The following MPHOSPH9 variants were observed in gnomAD, a reference collection of about 807,000 sequenced individuals.
MPHOSPH9 encodes M-phase phosphoprotein 9.
A neutral mutation model predicts 145.5 loss-of-function variants in MPHOSPH9; 88 were observed. The observed-to-expected ratio is 0.60, with a 90% CI of 0.51 to 0.72. The LOEUF is 0.72. Ranked by LOEUF, MPHOSPH9 falls within the 30% of genes least tolerant of loss-of-function variation. The probability of loss-of-function intolerance (pLI) is 0.00; values close to 1 mark genes in which losing one functional copy is unlikely to be tolerated. For synonymous variants in MPHOSPH9, 435 were observed against 486.2 expected (o/e 0.89, Z 1.39); for missense variants, 1,238 against 1,386.6 (o/e 0.89, Z 1.70).
chr12:123,160,758 A>AG, intron 23 of MPHOSPH9, 23 bp downstream of exon 23: 2 of 1,609,372 alleles, frequency 1.2e-6, no homozygotes, highest in Non-Finnish European at 1.7e-6. Context: ...CCTCTAAAGC[A>AG]GATTCAAGCT....
intron 13 of MPHOSPH9, among the ~76,000 whole-genome samples, chr12:123,188,814 C>T (rs2138188892): frequency 6.6e-6 from 1 of 152,334 alleles, no homozygotes; most frequent in African/African-American, 2.4e-5. Context: ...CGCCACTGCA[C>T]TCCTGCCTGG....
chr12:123,163,055 T>A lies in MPHOSPH9; in HGVS notation c.2988A>T (p.Gly996=). The A allele has an allele frequency of 1.9e-6, 3 of 1,597,260 alleles. No individual in the cohort carries two copies. Among genetic ancestry groups the A allele is most frequent in the South Asian group, 2.3e-5 (2 of 86,624 alleles). Residue 996 remains glycine (G), a synonymous_variant, in exon 20 of 24, where the codon GGA becomes GGT. Coordinates refer to ENST00000606320, the MANE Select transcript of MPHOSPH9 (RefSeq NM_022782.4). ...CATTTTTGCTAAGCAGATGACTAAATCCTGGGGACAAGTTTTCTTTAGGGG... is the reference window on the plus strand; with the variant it reads ...CATTTTTGCTAAGCAGATGACTAAAACCTGGGGACAAGTTTTCTTTAGGGG... The part of the protein sequence containing the change: ...KRSPKENLSP[G]FSHLLSKNES...
downstream of MPHOSPH9, chr12:123,152,363 G>A (rs2043792159): frequency 3.0e-6 from 1 of 336,214 alleles, no homozygotes; most frequent in Non-Finnish European, 5.9e-6. Flanking sequence ...TGTAGTGCAA[G>A]AAAGAGAGAT....
intron 13 of MPHOSPH9, among the ~76,000 whole-genome samples, chr12:123,181,484 A>T (rs530751375): frequency 6.6e-6 from 1 of 152,054 alleles, no homozygotes; most frequent in Non-Finnish European, 1.5e-5. Flanking sequence ...AGGACAGAGG[A>T]TCACTTGAGG....
At chr12:123,240,525 C>T (rs892139518) in intron 1 of MPHOSPH9, 5 of 151,194 alleles carry the variant, frequency 3.3e-5, no homozygotes, top group African/African-American at 1.2e-4. Context: ...AGTCTCCGCA[C>T]CTGTTCCTTC....
chr12:123,191,393 T>C lies in MPHOSPH9; in HGVS notation c.2241+2993A>G, dbSNP rs553376565. Among the ~76,000 whole-genome samples the C allele has an allele frequency of 1.1e-4, 17 of 152,258 alleles. No homozygotes were observed. The South Asian group carries it at 2.7e-3, about 24-fold the overall frequency. On this transcript the variant is annotated intron_variant, in intron 13 of 23. Transcript: ENST00000606320. Reference sequence around the variant, plus strand: ...TGAACATACTCAGTACCAGTTCAAGTGATTCTCCTGCCTCAGCACCCTGAG... The same window carrying C: ...TGAACATACTCAGTACCAGTTCAAGCGATTCTCCTGCCTCAGCACCCTGAG...
intron 8 of MPHOSPH9, among the ~76,000 whole-genome samples, chr12:123,204,102 A>G (rs1358152596): frequency 6.6e-6 from 1 of 152,150 alleles, no homozygotes; most frequent in Non-Finnish European, 1.5e-5. Context: ...CGAGAGTTTG[A>G]GACCAGCCTA....
At chr12:123,165,015 CAAAAAAAA>C (rs35219995) in intron 18 of MPHOSPH9, among the ~76,000 whole-genome samples, 1 of 83,248 alleles carries the variant, frequency 1.2e-5, no homozygotes, top group African/African-American at 4.9e-5. Flanking sequence ...CTCACTGTCT[CAAAAAAAA>C]AAAAAAAAAA....
chr12:123,209,930 G>A, intron 8 of MPHOSPH9, 126 bp downstream of exon 8: 1 of 508,414 alleles, frequency 2.0e-6, no homozygotes, highest in South Asian at 3.3e-5. Flanking sequence ...TAGAGACGGG[G>A]TTTCACCGTG....
At chr12:123,198,178 CA>C in intron 12 of MPHOSPH9, 68 bp downstream of exon 12, 1 of 1,163,978 alleles carries the variant, frequency 8.6e-7, no homozygotes, top group Non-Finnish European at 1.3e-6. Flanking sequence ...AGACAAGAAA[CA>C]TAACTGATGT....
intron 7 of MPHOSPH9, among the ~76,000 whole-genome samples, chr12:123,211,174 A>G (rs1327605921): frequency 1.3e-5 from 2 of 151,900 alleles, no homozygotes; most frequent in African/African-American, 2.4e-5. Context: ...TAGTAGAGAC[A>G]GGGTTTTGCC....
chr12:123,161,316 T>C lies in MPHOSPH9; in HGVS notation c.3201A>G (p.Pro1067=). ...VNHSSCPEPV[P]NGVKKVSVRT... The stretch of plus-strand genomic sequence containing the variant: ...TCACAGATACTTTCTTCACTCCATT[T>C]GGCACCGGTTCAGGGCAAGAGCTAT... Residue 1067 remains proline (P), a synonymous_variant, in exon 22 of 24, where the codon CCA becomes CCG. Transcript: ENST00000606320. 6.2e-7 allele frequency: 1 copy of C among 1,614,174 alleles called. No individual in the cohort carries two copies. The highest frequency in any genetic ancestry group is 8.5e-7 in the Non-Finnish European group (1 of 1,180,022).
At chr12:123,237,495 T>G (rs1453513438), upstream of MPHOSPH9, among the ~76,000 whole-genome samples, 2 of 152,228 alleles carry the variant, frequency 1.3e-5, no homozygotes, top group Admixed American at 6.5e-5. Context: ...CTTTACTTCA[T>G]TAGCTATCTC....
intron 21 of MPHOSPH9, 138 bp downstream of exon 21, chr12:123,161,977 G>A: frequency 2.1e-6 from 1 of 486,212 alleles, no homozygotes; most frequent in Non-Finnish European, 3.6e-6. Context: ...GTAGCATCAT[G>A]AGTGCTTAGT....
chr12:123,229,820 CA>C (rs1002281695), intron 2 of MPHOSPH9, among the ~76,000 whole-genome samples: 1 of 94,450 alleles, frequency 1.1e-5, no homozygotes, highest in African/African-American at 2.8e-5. Flanking sequence ...TGTCCCCGAA[CA>C]TTTTTTTTTT....
chr12:123,209,978 CG>C, intron 8 of MPHOSPH9, 77 bp downstream of exon 8: 4 of 869,724 alleles, frequency 4.6e-6, no homozygotes, highest in Non-Finnish European at 7.0e-6. Context: ...CCTCATGATC[CG>C]CCCACCTCGG....
At chr12:123,180,759 G>C (rs1427779962) in intron 14 of MPHOSPH9, among the ~76,000 whole-genome samples, 1 of 152,062 alleles carries the variant, frequency 6.6e-6, no homozygotes, top group Admixed American at 6.6e-5. Context: ...TGTAATCCCA[G>C]CTACTCAGGA....
chr12:123,191,756 A>T (rs2045685425), intron 13 of MPHOSPH9, among the ~76,000 whole-genome samples: 1 of 152,226 alleles, frequency 6.6e-6, no homozygotes, highest in Admixed American at 6.5e-5. Context: ...GAATGACAAA[A>T]GCAAGTCAAA....
intron 18 of MPHOSPH9, among the ~76,000 whole-genome samples, chr12:123,164,864 C>G (rs181174569): frequency 6.6e-6 from 1 of 151,908 alleles, no homozygotes; most frequent in African/African-American, 2.4e-5. Context: ...TTAAAATTAG[C>G]CGGGGGTGCT....
Sources: gnomAD v4.1 joint callset for allele counts (sites outside exome capture counted in the v4.1 genomes callset) on GRCh38, gnomAD v4.1.1 for gene constraint, MANE v1.5 for transcripts, NCBI Gene and HGNC (gene_info 2026-07-23, HGNC 2026-07-21) for gene names.